ALK: variants seen among roughly 807,000 people sequenced by gnomAD.
ALK encodes ALK tyrosine kinase receptor.
ALK carries 74 observed loss-of-function variants against 163.1 expected under a neutral mutation model. The observed-to-expected ratio is 0.45, with a 90% CI of 0.38 to 0.55. The LOEUF (loss-of-function observed/expected upper bound fraction) is 0.55, where lower values mean the gene tolerates loss of function less well. Among genes scored for constraint, ALK ranks in the 20% least tolerant of loss-of-function variants. The pLI is 0.00. For synonymous variants in ALK, 960 were observed against 843.2 expected (o/e 1.14, Z -2.40); for missense variants, 2,063 against 2,105.3 (o/e 0.98, Z 0.39).
chr2:29,689,645 G>T (rs188269971), intron 3 of ALK, among the ~76,000 whole-genome samples: 12 of 152,250 alleles, frequency 7.9e-5, no homozygotes, highest in Admixed American at 3.9e-4. Context: ...AGGCATAGTG[G>T]GCTAAAGAGT....
At chr2:29,916,317 A>C (rs1262066668) in intron 1 of ALK, among the ~76,000 whole-genome samples, 1 of 151,948 alleles carries the variant, frequency 6.6e-6, no homozygotes, top group Non-Finnish European at 1.5e-5. Context: ...CTTCACTGCC[A>C]CTCTCTCTCT....
chr2:29,507,378 G>T (rs931228436), intron 4 of ALK, among the ~76,000 whole-genome samples: 4 of 152,164 alleles, frequency 2.6e-5, no homozygotes, highest in African/African-American at 9.7e-5. Flanking sequence ...GGAGGTAGGG[G>T]GAAGTGGGGA....
intron 4 of ALK, among the ~76,000 whole-genome samples, chr2:29,486,930 T>A (rs1006450379): frequency 7.9e-5 from 12 of 152,240 alleles, no homozygotes; most frequent in African/African-American, 2.7e-4. Flanking sequence ...TTAAGTCAAC[T>A]GCCTATGTAA....
intron 2 of ALK, among the ~76,000 whole-genome samples, chr2:29,699,213 C>T (rs1170880752): frequency 6.6e-6 from 1 of 152,158 alleles, no homozygotes; most frequent in Admixed American, 6.6e-5. Context: ...GGTCCACACC[C>T]ACCCAGGGGC....
chr2:29,740,481 T>G (rs1179629423), intron 1 of ALK, among the ~76,000 whole-genome samples: 2 of 151,094 alleles, frequency 1.3e-5, no homozygotes, highest in Non-Finnish European at 2.9e-5. Flanking sequence ...TTTGTCCTTT[T>G]GTTCTCTTAT....
At chr2:29,243,971 AT>A (rs1664589574) in intron 12 of ALK, among the ~76,000 whole-genome samples, 1 of 149,968 alleles carries the variant, frequency 6.7e-6, no homozygotes, top group African/African-American at 2.5e-5. Flanking sequence ...TGTGTTTTGT[AT>A]TAGAAACTGT....
In ALK at chr2:29,227,432, A is replaced by G; in HGVS notation, c.2914+142T>C. 1 of 798,450 alleles carries G rather than the reference A, an allele frequency of 1.3e-6. No individual in the cohort carries two copies. 49.5% of individuals were successfully genotyped at this position (798,450 alleles called of 1,614,324 possible). Reference sequence around the variant, plus strand: ...ATCCTGACTTCTGGAAAATGTGGTGACCTGCGCCATAGGAAGCTTGCCTGC... The same window carrying G: ...ATCCTGACTTCTGGAAAATGTGGTGGCCTGCGCCATAGGAAGCTTGCCTGC... On this transcript the variant is annotated intron_variant, in intron 17 of 28. Coordinates refer to ENST00000389048, the MANE Select transcript of ALK (RefSeq NM_004304.5). The surrounding 1 kb of genome is among the most constrained non-coding windows in gnomAD (Gnocchi z 4.4).
At position 29,379,427 on chromosome 2, in the gene ALK, C is replaced by T. The variant is rs1484976361; in HGVS notation, c.1282+4305G>A. Among the ~76,000 whole-genome samples, 4 of 152,278 alleles carry T rather than the reference C, an allele frequency of 2.6e-5. No individual in the cohort carries two copies. In the East Asian group the frequency reaches 7.7e-4, roughly 29 times the overall value. On this transcript the variant is annotated intron_variant, in intron 5 of 28. Coordinates refer to ENST00000389048, the MANE Select transcript of ALK (RefSeq NM_004304.5). ...TGTGGTGTTTTCTGTGTGTTTAGCA[C>T]CATGCTAGCTGCTCCCTGGAGAAAT...
chr2:29,582,409 A>G (rs1674730487), intron 3 of ALK, among the ~76,000 whole-genome samples: 5 of 152,206 alleles, frequency 3.3e-5, no homozygotes, highest in Admixed American at 3.3e-4. Context: ...TTGAGCCAGG[A>G]GCTCATAGGA....
intron 1 of ALK, among the ~76,000 whole-genome samples, chr2:29,849,802 A>G (rs150167708): frequency 6.6e-6 from 1 of 152,142 alleles, no homozygotes; most frequent in Non-Finnish European, 1.5e-5. Context: ...AAGCAGGGGA[A>G]GAAGGGGAGA....
intron 5 of ALK, among the ~76,000 whole-genome samples, chr2:29,352,464 C>T (rs1046700734): frequency 2.6e-5 from 4 of 152,220 alleles, no homozygotes; most frequent in East Asian, 1.9e-4. Flanking sequence ...TCCTACATCA[C>T]GCCCAGAATG....
intron 4 of ALK, among the ~76,000 whole-genome samples, chr2:29,446,436 A>G (rs1409971797): frequency 6.6e-6 from 1 of 152,164 alleles, no homozygotes; most frequent in Non-Finnish European, 1.5e-5. Context: ...GACTTAAATA[A>G]GAGATATAAC....
At chr2:29,383,319 G>T (rs1309170160) in intron 5 of ALK, among the ~76,000 whole-genome samples, 4 of 151,702 alleles carry the variant, frequency 2.6e-5, no homozygotes, top group African/African-American at 9.7e-5. Context: ...AAACACTCTA[G>T]ACTTTTTTTT....
intron 1 of ALK, among the ~76,000 whole-genome samples, chr2:29,831,976 G>A (rs575941111): frequency 3.9e-5 from 6 of 152,306 alleles, no homozygotes; most frequent in South Asian, 4.1e-4. Context: ...TGGTCTTATC[G>A]TTCAAAGATC....
At chr2:29,876,558 AATG>A (rs1161669536) in intron 1 of ALK, among the ~76,000 whole-genome samples, 2 of 136,350 alleles carry the variant, frequency 1.5e-5, no homozygotes, top group Admixed American at 1.4e-4. Flanking sequence ...TGGTGATGGT[AATG>A]ATGATGCTGA....
intron 8 of ALK, among the ~76,000 whole-genome samples, chr2:29,301,285 C>G (rs1666362316): frequency 6.6e-6 from 1 of 152,200 alleles, no homozygotes; most frequent in Admixed American, 6.5e-5. Context: ...TCATCCATCT[C>G]AGAAACCACT....
At chr2:29,461,755 T>C (rs1671088905) in intron 4 of ALK, among the ~76,000 whole-genome samples, 1 of 152,190 alleles carries the variant, frequency 6.6e-6, no homozygotes, top group Non-Finnish European at 1.5e-5. Context: ...ACATCCATTT[T>C]GCAGCCCATT....
chr2:29,859,610 G>A (rs1336167664), intron 1 of ALK, among the ~76,000 whole-genome samples: 2 of 152,112 alleles, frequency 1.3e-5, no homozygotes, highest in African/African-American at 2.4e-5. Flanking sequence ...CAGAGAAAGG[G>A]GGTCGCTTGT....
chr2:29,230,494 G>A (rs1369258145), intron 15 of ALK, among the ~76,000 whole-genome samples: 1 of 152,146 alleles, frequency 6.6e-6, no homozygotes, highest in African/African-American at 2.4e-5. Context: ...CGGGTGAACC[G>A]GCCTGGCAGG....
Sources: gnomAD v4.1 joint callset for allele counts (sites outside exome capture counted in the v4.1 genomes callset) on GRCh38, gnomAD v4.1.1 for gene constraint, Gnocchi (gnomAD v3.1) non-coding constraint, MANE v1.5 for transcripts, NCBI Gene and HGNC (gene_info 2026-07-23, HGNC 2026-07-21) for gene names.